Variants in C1RL observed in about 807,000 individuals in gnomAD.
C1RL encodes the protein complement C1r subcomponent-like protein.
In C1RL, 27 loss-of-function variants were observed where a neutral mutation model predicts 27.9. The observed-to-expected ratio is 0.97, with a 90% confidence interval of 0.71 to 1.33. The LOEUF (loss-of-function observed/expected upper bound fraction) is 1.33, where lower values mean the gene tolerates loss of function less well. Among genes scored for constraint, C1RL ranks in the 40% most tolerant of loss-of-function variants. The pLI is 0.00. For missense variants in C1RL, 563 were observed against 623.9 expected (o/e 0.90, Z 1.04); for synonymous variants, 248 against 252.1 (o/e 0.98, Z 0.15).
intron 2 of C1RL, among the ~76,000 whole-genome samples, chr12:7,105,458 CG>C (rs1380419487): frequency 3.9e-5 from 6 of 152,000 alleles, no homozygotes; most frequent in Admixed American, 1.3e-4. Flanking sequence ...TTAGTAGAGA[CG>C]GGGTTTCACC....
Position 7,096,034 on chromosome 12 carries a change from A to G in C1RL, c.*357T>C, listed in dbSNP as rs1938413713. 32 of 1,038,490 alleles carry G rather than the reference A, an allele frequency of 3.1e-5. No homozygotes were observed. The highest frequency in any genetic ancestry group is 3.6e-5 in the Non-Finnish European group (31 of 865,700). The allele number at this position is 1,038,490 out of a possible 1,614,324, so 64.3% of individuals were successfully genotyped here. On this transcript the variant is annotated 3_prime_UTR_variant, in exon 6 of 6. Coordinates refer to ENST00000266542, the MANE Select transcript of C1RL (RefSeq NM_016546.4). ...TAGCGGGTGAGTAGCTGACTCTTCC[A>G]CAGGTGAGTATAAAAGCTGTGTCAA...
At position 7,096,784 on chromosome 12, in the gene C1RL, CGGGAGGACGTT is replaced by C; in HGVS notation, c.1060_1070del (p.Asn354GlyfsTer6). 1 of 1,605,324 alleles carries C rather than the reference CGGGAGGACGTT, an allele frequency of 6.2e-7. No individual in the cohort carries two copies. The highest frequency in any genetic ancestry group is 8.5e-7 in the Non-Finnish European group (1 of 1,175,228). On this transcript the variant is annotated frameshift_variant, in exon 6 of 6. Transcript: ENST00000266542. LOFTEE classifies it low-confidence loss of function (END_TRUNC). Reference sequence around the variant, plus strand: ...GGGTCTCATTATCGGGCAGACAGACCGGGAGGACGTTGGGGCCCAGGGGGATGCTGTGCTGC... The same window carrying C: ...GGGTCTCATTATCGGGCAGACAGACCGGGGCCCAGGGGGATGCTGTGCTGC...
intron 1 of C1RL, chr12:7,108,802 C>T: frequency 1.8e-6 from 1 of 550,342 alleles, no homozygotes; most frequent in Non-Finnish European, 3.2e-6. Flanking sequence ...CCCACCCCAC[C>T]CTGGGATCCG....
intron 2 of C1RL, among the ~76,000 whole-genome samples, chr12:7,107,017 T>C (rs1006398106): frequency 1.3e-5 from 2 of 151,844 alleles, no homozygotes; most frequent in Admixed American, 6.6e-5. Context: ...TACGTAAAAA[T>C]GAAAGACAAA....
Position 7,095,352 on chromosome 12 carries a change from G to T in C1RL, c.*1039C>A, listed in dbSNP as rs1938396699. The T allele has an allele frequency of 8.0e-6, 8 of 1,003,168 alleles. No individual in the cohort carries two copies. The highest frequency in any genetic ancestry group is 4.8e-4 in the Middle Eastern group (1 of 2,076). 62.1% of individuals were successfully genotyped at this position (1,003,168 alleles called of 1,614,324 possible). On this transcript the variant is annotated 3_prime_UTR_variant, in exon 6 of 6. Coordinates refer to ENST00000266542, the MANE Select transcript of C1RL (RefSeq NM_016546.4). ...GATGGGCTGGATCTCCTGACCTCGT[G>T]ATCCACCCACCTCGGACTCCTAAGG...
rs1938424789 is a variant in C1RL at position 7,096,313 on chromosome 12, G to T, written c.*78C>A. On this transcript the variant is annotated 3_prime_UTR_variant, in exon 6 of 6. Coordinates refer to ENST00000266542, the MANE Select transcript of C1RL (RefSeq NM_016546.4). Reference sequence around the variant, plus strand: ...CCCCCCACCCCCAACCCCTACCCCAGTGTTCAGTCCTCACTCCAGGCCCTC... The same window carrying T: ...CCCCCCACCCCCAACCCCTACCCCATTGTTCAGTCCTCACTCCAGGCCCTC... The T allele has an allele frequency of 4.4e-6, 2 of 453,758 alleles. No individual in the cohort carries two copies. Among genetic ancestry groups the T allele is most frequent in the East Asian group, 1.3e-4 (1 of 7,942 alleles). The allele number at this position is 453,758 out of a possible 1,614,324, so 28.1% of individuals were successfully genotyped here.
chr12:7,102,126 G>A, intron 2 of C1RL, 39 bp from the exon 3 acceptor site: 1 of 1,578,764 alleles, frequency 6.3e-7, no homozygotes, highest in Non-Finnish European at 8.7e-7. Context: ...AGATAGGTGT[G>A]GGGTGAATCC....
In C1RL at chr12:7,107,097, C is replaced by T. The variant is rs1348097331; in HGVS notation, c.300+1154G>A. ...AGCTACATGAATTGGCAAATGACTG[C>T]TCCTGAGGAGCAGCACTCAGGGGCG... is the stretch of plus-strand genomic sequence containing the variant. On this transcript the variant is annotated intron_variant, in intron 2 of 5. Transcript: ENST00000266542. Among the ~76,000 whole-genome samples the T allele has an allele frequency of 3.9e-5, 6 of 152,230 alleles. No individual in the cohort carries two copies. The South Asian group carries it at 1.0e-3, about 26-fold the overall frequency.
At position 7,095,015 on chromosome 12, in the gene C1RL, T is replaced by C. The variant is rs1938386712; in HGVS notation, c.*1376A>G. 1.8e-6 allele frequency: 2 copies of C among 1,115,418 alleles called. No individual in the cohort carries two copies. The allele number at this position is 1,115,418 out of a possible 1,614,324, so 69.1% of individuals were successfully genotyped here. The stretch of plus-strand genomic sequence containing the variant: ...TTTGACCATATAGCAACTTGACTCT[T>C]GATGCTAACAAATTACCTCTCTTCT... On this transcript the variant is annotated 3_prime_UTR_variant, in exon 6 of 6. Coordinates refer to ENST00000266542, the MANE Select transcript of C1RL (RefSeq NM_016546.4).
chr12:7,096,625 C>T lies in C1RL; in HGVS notation c.1230G>A (p.Gln410=), dbSNP rs1938438706. ...TATTGTCAGAAAACACCTCGGGTCT[C>T]TGTCTCTTTTGGAGCCAGGCGTTGC... ...EACNAWLQKR[Q]RPEVFSDNMF... Residue 410 remains glutamine, a synonymous_variant, in exon 6 of 6, where the codon CAG becomes CAA. Coordinates refer to ENST00000266542, the MANE Select transcript of C1RL (RefSeq NM_016546.4). 6.2e-7 allele frequency: 1 copy of T among 1,614,056 alleles called. No individual in the cohort carries two copies. Among genetic ancestry groups the T allele is most frequent in the Non-Finnish European group, 8.5e-7 (1 of 1,180,036 alleles).
At chr12:7,099,023 C>T (rs1272643492) in intron 5 of C1RL, among the ~76,000 whole-genome samples, 1 of 147,994 alleles carries the variant, frequency 6.8e-6, no homozygotes, top group East Asian at 2.0e-4. Context: ...TGGTGAAACC[C>T]TGTCTCTACT....
chr12:7,108,551 G>A, intron 1 of C1RL, 72 bp from the exon 2 acceptor site: 1 of 1,285,788 alleles, frequency 7.8e-7, no homozygotes, highest in Admixed American at 2.4e-5. Context: ...GGGAGGAGCG[G>A]GGGAGCCGCG....
chr12:7,098,063 C>G (rs1019849081), intron 5 of C1RL, among the ~76,000 whole-genome samples: 2 of 151,970 alleles, frequency 1.3e-5, no homozygotes, highest in African/African-American at 4.8e-5. Flanking sequence ...GTCAGGAGAT[C>G]GAGACCATCC....
chr12:7,099,617 C>T, intron 5 of C1RL, 69 bp downstream of exon 5: 2 of 1,539,622 alleles, frequency 1.3e-6, no homozygotes, highest in Admixed American at 2.0e-5. Context: ...CCTTTAACCC[C>T]TGTGTCCTGT....
chr12:7,095,483 G>A lies in C1RL; in HGVS notation c.*908C>T, dbSNP rs1378308540. On this transcript the variant is annotated 3_prime_UTR_variant, in exon 6 of 6. Coordinates refer to ENST00000266542, the MANE Select transcript of C1RL (RefSeq NM_016546.4). ...AGGTGGAGCAGTTCCCCTGATGATA[G>A]GGGCACAGGTGGGGTGTCTGCAAGA... 2.0e-6 allele frequency: 2 copies of A among 990,122 alleles called. No homozygotes were observed. Among genetic ancestry groups the A allele is most frequent in the Non-Finnish European group, 2.4e-6 (2 of 832,672 alleles). 61.3% of individuals were successfully genotyped at this position (990,122 alleles called of 1,614,324 possible).
intron 4 of C1RL, 23 bp from the exon 5 acceptor site, chr12:7,099,783 C>A: frequency 6.2e-7 from 1 of 1,602,616 alleles, no homozygotes; most frequent in Non-Finnish European, 8.5e-7. Flanking sequence ...TGAGGAGAGG[C>A]AAAGAAATAG....
chr12:7,102,516 C>T (rs748939113), intron 2 of C1RL, among the ~76,000 whole-genome samples: 1 of 152,292 alleles, frequency 6.6e-6, no homozygotes, highest in South Asian at 2.1e-4. Flanking sequence ...TGGGCATAAG[C>T]CCCTCCCATC....
chr12:7,108,413 T>C lies in C1RL; in HGVS notation c.138A>G (p.Gln46=). Reference sequence around the variant, plus strand: ...GGGATGTCAGCTGCTGGGGTAGCTCTTGGGCCAAGAGGACGGAGCCCCGGG... The same window carrying C: ...GGGATGTCAGCTGCTGGGGTAGCTCCTGGGCCAAGAGGACGGAGCCCCGGG... ...CPTRGSVLLA[Q]ELPQQLTSPG... is the part of the protein sequence containing the mutation. Residue 46 remains glutamine (Q), a synonymous_variant, in exon 2 of 6, where the codon CAA becomes CAG. Transcript: ENST00000266542. 2 of 1,613,620 alleles carry C rather than the reference T, an allele frequency of 1.2e-6. No individual in the cohort carries two copies. Among genetic ancestry groups the C allele is most frequent in the Non-Finnish European group, 1.7e-6 (2 of 1,179,702 alleles).
At position 7,108,307 on chromosome 12, in the gene C1RL, C is replaced by G. The variant is rs145165279; in HGVS notation, c.244G>C (p.Val82Leu). 196 of 1,614,172 alleles carry G rather than the reference C, an allele frequency of 1.2e-4. 1 individual carries two copies. The highest frequency in any genetic ancestry group is 1.6e-4 in the Non-Finnish European group (185 of 1,180,018). ...KAPEGFAVRL[V>L]FQDFDLEPSQ... ...GGCTCCAGGTCGAAGTCCTGGAAGA[C>G]GAGCCTCACAGCAAAGCCCTCTGGA... Residue 82 changes from valine to leucine, a missense_variant, in exon 2 of 6, where the codon GTC (valine) becomes CTC (leucine). Val to Leu is a conservative substitution (Grantham distance 32). Transcript: ENST00000266542.
Sources: allele counts gnomAD v4.1 joint callset (sites outside exome capture counted in the v4.1 genomes callset), GRCh38; gene constraint gnomAD v4.1.1; transcripts MANE v1.5; gene names NCBI Gene and HGNC (gene_info 2026-07-23, HGNC 2026-07-21).